Variants in SAMSN1 observed in about 807,000 individuals in gnomAD.
SAMSN1 encodes SAM domain, SH3 domain and nuclear localization signals 1.
In SAMSN1, 31 loss-of-function variants were observed where a neutral mutation model predicts 42.0. The observed-to-expected ratio is 0.74, with a 90% CI of 0.55 to 1.00. The LOEUF (loss-of-function observed/expected upper bound fraction) is 1.00, where lower values mean the gene tolerates loss of function less well. Ranked by LOEUF, SAMSN1 falls within the 50% of genes least tolerant of loss-of-function variation. The pLI, the probability that SAMSN1 is intolerant of heterozygous loss-of-function variation, is 0.00. For synonymous variants in SAMSN1, 178 were observed against 151.9 expected, an observed-to-expected ratio of 1.17 and a Z score of -1.26; for missense variants, 464 against 439.4, an observed-to-expected ratio of 1.06 and a Z score of -0.50.
rs1476884079 is a variant in SAMSN1, at chr21:14,516,992, G to C, written c.179C>G (p.Ser60Ter). 1 of 1,613,170 alleles carries C rather than the reference G, an allele frequency of 6.2e-7. No homozygotes were observed. The highest frequency in any genetic ancestry group is 8.5e-7 in the Non-Finnish European group (1 of 1,179,548). The change falls in exon 3 of 8, where the codon TCA becomes TGA. Residue 60 changes from serine (S) to a stop codon, truncating the protein, a stop_gained. Transcript: ENST00000400566. LOFTEE classifies it high-confidence loss of function. The stretch of plus-strand genomic sequence containing the variant: ...TTTACCCAAACCGCCTCCATTATTT[G>C]AAGTTTTACTTTGTTCTCCACTTCC... ...TNGSGEQSKTSNNGGGLGKKM... is the reference protein window; with the variant it reads ...TNGSGEQSKT
intron 2 of SAMSN1, among the ~76,000 whole-genome samples, chr21:14,557,499 C>T (rs755933330): frequency 6.6e-6 from 1 of 152,154 alleles, no homozygotes; most frequent in East Asian, 1.9e-4. Context: ...ACATGTTCAA[C>T]CCCTGTTTTC....
At chr21:14,526,334 G>A (rs1014286827) in intron 1 of SAMSN1, among the ~76,000 whole-genome samples, 1 of 152,188 alleles carries the variant, frequency 6.6e-6, no homozygotes, top group Non-Finnish European at 1.5e-5. Flanking sequence ...TTGGATTGCT[G>A]TTTTCAAGAC....
chr21:14,518,373 A>C (rs148722660), intron 2 of SAMSN1, among the ~76,000 whole-genome samples: 1 of 152,336 alleles, frequency 6.6e-6, no homozygotes, highest in African/African-American at 2.4e-5. Context: ...GAGTGTCTAG[A>C]GTACTTCCAA....
At chr21:14,644,967 G>A (rs1320722136) in intron 1 of SAMSN1, among the ~76,000 whole-genome samples, 1 of 152,124 alleles carries the variant, frequency 6.6e-6, no homozygotes, top group Non-Finnish European at 1.5e-5. Flanking sequence ...GGGAAGGCTG[G>A]TGTGGTTTGA....
chr21:14,504,684 G>A (rs1987321161), intron 5 of SAMSN1, among the ~76,000 whole-genome samples: 1 of 152,180 alleles, frequency 6.6e-6, no homozygotes, highest in Non-Finnish European at 1.5e-5. Flanking sequence ...CGTATTTGGA[G>A]GAATAATCAA....
chr21:14,616,322 A>G (rs926410291), intron 2 of SAMSN1, among the ~76,000 whole-genome samples: 2 of 151,878 alleles, frequency 1.3e-5, no homozygotes, highest in Non-Finnish European at 2.9e-5. Context: ...TTAAAAAAAA[A>G]CAACAGGTCT....
chr21:14,658,214 G>A (rs1202151390), intron 1 of SAMSN1, among the ~76,000 whole-genome samples: 1 of 151,740 alleles, frequency 6.6e-6, no homozygotes, highest in East Asian at 1.9e-4. Flanking sequence ...GAATTTGAGA[G>A]GTGCTTATAC....
rs548686783 is a variant in SAMSN1, at chr21:14,628,595, G to A, written c.157-12579C>T. ...AACAAGTCATCACAAATGTGAAAAAGTCCTACTGCCTTCCTCCATACCTGA... is the reference window on the plus strand; with the variant it reads ...AACAAGTCATCACAAATGTGAAAAAATCCTACTGCCTTCCTCCATACCTGA... On this transcript the variant is annotated intron_variant, in intron 2 of 15. Coordinates refer to the SAMSN1 transcript ENST00000647101. 5.9e-5 allele frequency among the ~76,000 whole-genome samples: 9 copies of A among 152,240 alleles called. No homozygotes were observed. In the South Asian group the frequency reaches 1.2e-3, roughly 21 times the overall value.
chr21:14,656,005 T>G, intron 1 of SAMSN1, among the ~76,000 whole-genome samples: 1 of 151,608 alleles, frequency 6.6e-6, no homozygotes, highest in East Asian at 1.9e-4. Context: ...AACAATAAAA[T>G]TATCAAAAGG....
At chr21:14,604,045 T>TA (rs1270466295) in intron 5 of SAMSN1, among the ~76,000 whole-genome samples, 1 of 152,216 alleles carries the variant, frequency 6.6e-6, no homozygotes, top group African/African-American at 2.4e-5. Context: ...GCCCCTGCTG[T>TA]AAAAAATGGG....
At chr21:14,535,363 A>G (rs979253683) in intron 1 of SAMSN1, among the ~76,000 whole-genome samples, 2 of 152,140 alleles carry the variant, frequency 1.3e-5, no homozygotes, top group Non-Finnish European at 2.9e-5. Context: ...AAGACTGGAG[A>G]GTGTAGGTAA....
chr21:14,487,982 A>G (rs1469881610), intron 7 of SAMSN1, among the ~76,000 whole-genome samples: 1 of 149,744 alleles, frequency 6.7e-6, no homozygotes, highest in Non-Finnish European at 1.5e-5. Flanking sequence ...TCAGTCATTC[A>G]CTCTTCTTTC....
rs202037808 is a variant in SAMSN1 at position 14,644,060 on chromosome 21, CTG to C, written c.25-929_25-928del. ...CCTTGCCGCCCAGGGCTGCAGCACTCTGTGTCTCCAGTAAACTTGAAAGGCAG... is the reference window on the plus strand; with the variant it reads ...CCTTGCCGCCCAGGGCTGCAGCACTCTGTCTCCAGTAAACTTGAAAGGCAG... On this transcript the variant is annotated intron_variant, in intron 1 of 15. Transcript: ENST00000647101. Among the ~76,000 whole-genome samples, 1,314 of 152,274 alleles carry C rather than the reference CTG, an allele frequency of 8.6e-3. 21 individuals are homozygous for C. Among genetic ancestry groups the C allele is most frequent in the African/African-American group, 0.03 (1,245 of 41,546 alleles).
chr21:14,579,861 A>G (rs145448560), intron 2 of SAMSN1, among the ~76,000 whole-genome samples: 278 of 152,300 alleles, frequency 1.8e-3, no homozygotes, highest in African/African-American at 6.2e-3. Flanking sequence ...CATAGGAAGT[A>G]TACAAATACT....
intron 2 of SAMSN1, among the ~76,000 whole-genome samples, chr21:14,630,091 A>C (rs1230314688): frequency 6.6e-6 from 1 of 152,174 alleles, no homozygotes; most frequent in Non-Finnish European, 1.5e-5. Context: ...AGGAAATCCG[A>C]TGGGTAAAAA....
At position 14,578,402 on chromosome 21, in the gene SAMSN1, A is replaced by T. The variant is rs144670442; in HGVS notation, c.261+3734T>A. Among the ~76,000 whole-genome samples the T allele has an allele frequency of 5.9e-5, 9 of 152,278 alleles. No individual in the cohort carries two copies. In the East Asian group the frequency reaches 1.5e-3, roughly 26 times the overall value. On this transcript the variant is annotated intron_variant, in intron 2 of 8. Coordinates refer to the SAMSN1 transcript ENST00000285670. ...GTGAACAAGGACTTCCTCAAAGATG[A>T]GTTAATTTCAGGCCACCTAAAAACT...
chr21:14,520,999 T>C (rs1978428320), intron 2 of SAMSN1, 151 bp downstream of exon 2: 1 of 614,706 alleles, frequency 1.6e-6, no homozygotes. Context: ...TACTAAATAA[T>C]GGTTTGTTCA....
chr21:14,657,786 A>T (rs1245114077), intron 1 of SAMSN1, among the ~76,000 whole-genome samples: 1 of 151,864 alleles, frequency 6.6e-6, no homozygotes, highest in African/African-American at 2.4e-5. Context: ...GAACTCGATG[A>T]TTCAGCCTCC....
At chr21:14,505,972 T>TC (rs1360744301) in intron 5 of SAMSN1, among the ~76,000 whole-genome samples, 5 of 151,514 alleles carry the variant, frequency 3.3e-5, no homozygotes, top group Non-Finnish European at 7.4e-5. Context: ...AAATATATGA[T>TC]CCCTGGGTGA....
Sources: allele counts gnomAD v4.1 joint callset (sites outside exome capture counted in the v4.1 genomes callset), GRCh38; gene constraint gnomAD v4.1.1; transcripts MANE v1.5; gene names NCBI Gene and HGNC (gene_info 2026-07-23, HGNC 2026-07-21).